The following PDE1C variants were observed in gnomAD, a reference collection of about 807,000 sequenced individuals.
The protein encoded by PDE1C is phosphodiesterase 1C, also known as dual specificity calcium/calmodulin-dependent 3',5'-cyclic nucleotide phosphodiesterase 1C.
In PDE1C, 62 loss-of-function variants were observed where a neutral mutation model predicts 93.1. The ratio of observed to expected loss-of-function variants is 0.67; its 90% CI spans 0.54 to 0.82. The LOEUF (loss-of-function observed/expected upper bound fraction) is 0.82, where lower values mean the gene tolerates loss of function less well. Among genes scored for constraint, PDE1C ranks in the 40% least tolerant of loss-of-function variants. The pLI is 0.00. For missense variants in PDE1C, 742 were observed against 884.6 expected (o/e 0.84, Z 2.04); for synonymous variants, 325 against 310.1 (o/e 1.05, Z -0.50).
intron 2 of PDE1C, among the ~76,000 whole-genome samples, chr7:31,901,729 T>G (rs1272568755): frequency 6.6e-6 from 1 of 151,452 alleles, no homozygotes; most frequent in African/African-American, 2.4e-5. Context: ...ATATAAATTT[T>G]AAAAATAAAA....
chr7:32,055,747 A>T (rs1008662956), intron 1 of PDE1C, among the ~76,000 whole-genome samples: 15 of 152,198 alleles, frequency 9.9e-5, no homozygotes, highest in Admixed American at 3.9e-4. Flanking sequence ...TTGAGAGGGA[A>T]TCTCACTCTG....
chr7:32,187,618 C>A (rs879467948), intron 2 of PDE1C, among the ~76,000 whole-genome samples: 4 of 147,476 alleles, frequency 2.7e-5, no homozygotes, highest in Admixed American at 6.6e-5. Flanking sequence ...GTGCTCAATA[C>A]TTCTTTAACG....
chr7:31,673,641 G>A, the PDE1C span, among the ~76,000 whole-genome samples: 1 of 150,890 alleles, frequency 6.6e-6, no homozygotes, highest in Middle Eastern at 3.5e-3. Context: ...GTAATTTTAT[G>A]GTGCTACTTT....
At chr7:32,401,126 G>A (rs1327227874) in intron 1 of PDE1C, among the ~76,000 whole-genome samples, 1 of 152,196 alleles carries the variant, frequency 6.6e-6, no homozygotes, top group Non-Finnish European at 1.5e-5. Flanking sequence ...AACTGAACAA[G>A]TAAAAATATT....
intron 2 of PDE1C, among the ~76,000 whole-genome samples, chr7:32,041,092 T>C (rs1169890231): frequency 6.6e-6 from 1 of 152,138 alleles, no homozygotes; most frequent in African/African-American, 2.4e-5. Context: ...AAGACTTCAG[T>C]GACTAAGGAC....
At chr7:31,874,065 G>T (rs1796255151) in intron 5 of PDE1C, among the ~76,000 whole-genome samples, 1 of 152,116 alleles carries the variant, frequency 6.6e-6, no homozygotes. Context: ...CAAAAAGAAA[G>T]CATTCATTTC....
At chr7:31,796,417 G>GTTCATTTATAA (rs1562813282) in intron 16 of PDE1C, among the ~76,000 whole-genome samples, 1 of 151,526 alleles carries the variant, frequency 6.6e-6, no homozygotes, top group African/African-American at 2.4e-5. Context: ...CTGCCATCTT[G>GTTCATTTATAA]TTCCTTTATA....
intron 1 of PDE1C, among the ~76,000 whole-genome samples, chr7:32,316,798 T>C (rs1480001131): frequency 6.7e-6 from 1 of 150,192 alleles, no homozygotes; most frequent in Admixed American, 6.6e-5. Flanking sequence ...GAGATGCTTT[T>C]GTCAGGCATT....
At chr7:32,331,330 C>T (rs988826677) in intron 1 of PDE1C, among the ~76,000 whole-genome samples, 3 of 152,148 alleles carry the variant, frequency 2.0e-5, no homozygotes, top group Non-Finnish European at 2.9e-5. Flanking sequence ...TATTAAGCTG[C>T]GCTGGTGTGC....
chr7:32,417,220 G>A (rs1286166630), intron 1 of PDE1C, among the ~76,000 whole-genome samples: 1 of 151,926 alleles, frequency 6.6e-6, no homozygotes, highest in South Asian at 2.1e-4. Flanking sequence ...ACCCAGAAAA[G>A]CTGGTACAAA....
chr7:31,976,014 T>C (rs998003813), intron 2 of PDE1C, among the ~76,000 whole-genome samples: 68 of 152,372 alleles, frequency 4.5e-4, no homozygotes, highest in African/African-American at 1.5e-3. Context: ...CAATAAATGA[T>C]GTTTATTATC....
the PDE1C span, among the ~76,000 whole-genome samples, chr7:31,745,288 AATTTATAC>A: frequency 5.9e-5 from 9 of 152,282 alleles, no homozygotes; most frequent in Non-Finnish European, 1.2e-4. Flanking sequence ...ATTTTCCCTG[AATTTATAC>A]ATTTCCCATC....
At chr7:31,745,134 A>G in the PDE1C span, among the ~76,000 whole-genome samples, 4 of 152,212 alleles carry the variant, frequency 2.6e-5, no homozygotes, top group Admixed American at 2.6e-4. Context: ...ATGGATGCTA[A>G]TTGATTTTAA....
intron 1 of PDE1C, among the ~76,000 whole-genome samples, chr7:32,224,725 G>A (rs962357634): frequency 6.6e-6 from 1 of 152,210 alleles, no homozygotes; most frequent in African/African-American, 2.4e-5. Flanking sequence ...CTGCAGAAAT[G>A]GGTAAGGATG....
At chr7:31,623,875 T>C in the PDE1C span, among the ~76,000 whole-genome samples, 16 of 152,160 alleles carry the variant, frequency 1.1e-4, no homozygotes, top group African/African-American at 3.9e-4. Flanking sequence ...GAAAACCCCA[T>C]TGTCTCAGCC....
chr7:31,827,045 C>T (rs144745072), intron 12 of PDE1C, among the ~76,000 whole-genome samples: 1 of 152,120 alleles, frequency 6.6e-6, no homozygotes, highest in African/African-American at 2.4e-5. Flanking sequence ...ATATTTTTAA[C>T]CTCACTTAAA....
At chr7:32,212,174 C>T (rs1030201985) in intron 1 of PDE1C, among the ~76,000 whole-genome samples, 4 of 152,068 alleles carry the variant, frequency 2.6e-5, no homozygotes, top group African/African-American at 4.8e-5. Context: ...CAGGCAACCA[C>T]CTAAATGCTC....
At chr7:32,117,185 A>G (rs561051298) in intron 3 of PDE1C, among the ~76,000 whole-genome samples, 1 of 152,302 alleles carries the variant, frequency 6.6e-6, no homozygotes, top group South Asian at 2.1e-4. Context: ...AAACCTCTGT[A>G]GAGGTTTTGT....
intron 2 of PDE1C, among the ~76,000 whole-genome samples, chr7:31,888,249 CAAAAAAAAAAAAAAAA>C (rs34112969): frequency 2.3e-5 from 1 of 44,224 alleles, no homozygotes; most frequent in African/African-American, 8.2e-5. Context: ...GACTCAGTCT[CAAAAAAAAAAAAAAAA>C]AAAAAAAAGA....
Sources: gnomAD v4.1 joint callset for allele counts (sites outside exome capture counted in the v4.1 genomes callset) on GRCh38, gnomAD v4.1.1 for gene constraint, MANE v1.5 for transcripts, NCBI Gene and HGNC (gene_info 2026-07-23, HGNC 2026-07-21) for gene names.